Variants in ATP8B1 observed in about 807,000 individuals in gnomAD.
ATP8B1 encodes the protein ATPase phospholipid transporting 8B1.
ATP8B1 carries 80 observed loss-of-function variants against 149.9 expected under a neutral mutation model. That is an observed-to-expected ratio of 0.53 (90% CI 0.45 to 0.64). The LOEUF (loss-of-function observed/expected upper bound fraction) is 0.64. Among genes scored for constraint, ATP8B1 ranks in the 30% least tolerant of loss-of-function variants. ATP8B1 has a pLI of 0.00. For missense variants in ATP8B1, 1,247 were observed against 1,552.6 expected (o/e 0.80, Z 3.31); for synonymous variants, 536 against 562.8 (o/e 0.95, Z 0.67).
intron 1 of ATP8B1, among the ~76,000 whole-genome samples, chr18:57,797,708 T>C (rs907283455): frequency 0.012 from 1,616 of 138,212 alleles, 20 homozygotes; most frequent in African/African-American, 0.04. Context: ...TCTTTCTTTT[T>C]TTTTTTTTTT....
At chr18:57,778,331 T>C (rs2080327425) in intron 1 of ATP8B1, among the ~76,000 whole-genome samples, 1 of 151,158 alleles carries the variant, frequency 6.6e-6, no homozygotes, top group Non-Finnish European at 1.5e-5. Context: ...GTTCACGCCA[T>C]TCTCCTGCCT....
chr18:57,789,869 T>G (rs994629915), intron 1 of ATP8B1, among the ~76,000 whole-genome samples: 3 of 152,184 alleles, frequency 2.0e-5, no homozygotes, highest in Non-Finnish European at 2.9e-5. Context: ...AGCACTGGCT[T>G]CCGAAGCGTT....
chr18:57,668,572 G>C, intron 18 of ATP8B1, 32 bp from the exon 19 acceptor site: 1 of 417,348 alleles, frequency 2.4e-6, no homozygotes, highest in Non-Finnish European at 3.6e-6. Flanking sequence ...AAAAAAAAAG[G>C]AATTAGCAAA....
At chr18:57,659,624 C>G (rs982371684) in intron 22 of ATP8B1, 4 of 135,382 alleles carry the variant, frequency 3.0e-5, no homozygotes, top group African/African-American at 8.5e-5. Flanking sequence ...TCCGAGCAAG[C>G]AATACCATTC....
chr18:57,670,543 G>T (rs1266482787), intron 17 of ATP8B1, among the ~76,000 whole-genome samples: 1 of 151,434 alleles, frequency 6.6e-6, no homozygotes, highest in East Asian at 1.9e-4. Flanking sequence ...GTAGAGACGG[G>T]GTTTCACCAT....
At chr18:57,782,913 A>C (rs1181774964) in intron 1 of ATP8B1, among the ~76,000 whole-genome samples, 1 of 145,440 alleles carries the variant, frequency 6.9e-6, no homozygotes, top group Non-Finnish European at 1.5e-5. Flanking sequence ...CCTGGGTTCA[A>C]GCAATTCTCG....
intron 1 of ATP8B1, among the ~76,000 whole-genome samples, chr18:57,733,452 A>G (rs1302218037): frequency 6.6e-6 from 1 of 152,144 alleles, no homozygotes; most frequent in African/African-American, 2.4e-5. Flanking sequence ...CACACCTGTA[A>G]TCCCAGCACT....
Position 57,652,724 on chromosome 18 carries a change from C to G in ATP8B1, c.3021G>C (p.Val1007=). ...VLLMGLLDQD[V]SDKLSLRFPG... ...GGAATCGGAGGCTCAGTTTGTCACTCACATCCTTAAGGAGAAAACAAAATG... is the reference window on the plus strand; with the variant it reads ...GGAATCGGAGGCTCAGTTTGTCACTGACATCCTTAAGGAGAAAACAAAATG... Residue 1007 remains valine (V), a synonymous_variant, in exon 25 of 28, where the codon GTG becomes GTC. Transcript: ENST00000648908. 1 of 1,614,174 alleles carries G rather than the reference C, an allele frequency of 6.2e-7. No individual in the cohort carries two copies. The highest frequency in any genetic ancestry group is 2.2e-5 in the East Asian group (1 of 44,892).
chr18:57,727,057 G>A (rs1416954637), intron 2 of ATP8B1, among the ~76,000 whole-genome samples: 1 of 152,120 alleles, frequency 6.6e-6, no homozygotes, highest in Non-Finnish European at 1.5e-5. Flanking sequence ...TCCAGCCTGG[G>A]CAACAAGAGC....
At position 57,672,917 on chromosome 18, in the gene ATP8B1, TATATATATATATATAA is replaced by T. The variant is rs1381724491; in HGVS notation, c.1820-1353_1820-1338del. Among the ~76,000 whole-genome samples, 26 of 51,666 alleles carry T rather than the reference TATATATATATATATAA, an allele frequency of 5.0e-4. 2 individuals are homozygous for T. Among genetic ancestry groups the T allele is most frequent in the South Asian group, 2.3e-3 (3 of 1,288 alleles). 33.9% of individuals were successfully genotyped at this position (51,666 alleles called of 152,430 possible). On this transcript the variant is annotated intron_variant, in intron 16 of 27. Transcript: ENST00000648908. ...ATATATATATATATATATATATATA[TATATATATATATATAA>T]CATGTATATACACATATATACATAC...
chr18:57,793,750 T>C (rs1303306923), intron 1 of ATP8B1, among the ~76,000 whole-genome samples: 4 of 152,084 alleles, frequency 2.6e-5, no homozygotes, highest in African/African-American at 9.7e-5. Context: ...TCCTCCTGAG[T>C]GTTTGCTCAA....
At chr18:57,732,899 C>T (rs942779044) in intron 1 of ATP8B1, among the ~76,000 whole-genome samples, 2 of 152,088 alleles carry the variant, frequency 1.3e-5, no homozygotes, top group African/African-American at 2.4e-5. Flanking sequence ...GTTGACAAAC[C>T]ACTGCTCTAA....
rs1228283708 is a variant in ATP8B1 at position 57,648,296 on chromosome 18, A to G, written c.*192T>C. The G allele has an allele frequency of 2.7e-6, 2 of 740,252 alleles. No individual in the cohort carries two copies. Among genetic ancestry groups the G allele is most frequent in the East Asian group, 5.4e-5 (2 of 37,126 alleles). The allele number at this position is 740,252 out of a possible 1,614,324, so 45.9% of individuals were successfully genotyped here. On this transcript the variant is annotated 3_prime_UTR_variant, in exon 28 of 28. Coordinates refer to ENST00000648908, the MANE Select transcript of ATP8B1 (RefSeq NM_001374385.1). ...CCACCACGCCCGGCCGAATAATAGG[A>G]CTTTTAAAAGTCCTATTTCTTGGCT...
intron 19 of ATP8B1, chr18:57,668,142 C>T (rs529581588): frequency 2.2e-6 from 3 of 1,365,148 alleles, no homozygotes; most frequent in Non-Finnish European, 1.9e-6. Flanking sequence ...ATGGCCCTTT[C>T]AGGACGGGAA....
At chr18:57,729,549 C>T (rs201922490) in intron 2 of ATP8B1, among the ~76,000 whole-genome samples, 11 of 120,734 alleles carry the variant, frequency 9.1e-5, no homozygotes, top group East Asian at 2.8e-4. Flanking sequence ...TTCTTTCTTT[C>T]TTTTTTTTTT....
chr18:57,648,311 A>T lies in ATP8B1; in HGVS notation c.*177T>A. ...GAATAATAGGACTTTTAAAAGTCCT[A>T]TTTCTTGGCTCTGCTATTGTTTAAT... On this transcript the variant is annotated 3_prime_UTR_variant, in exon 28 of 28. Coordinates refer to ENST00000648908, the MANE Select transcript of ATP8B1 (RefSeq NM_001374385.1). 1 of 807,544 alleles carries T rather than the reference A, an allele frequency of 1.2e-6. No individual in the cohort carries two copies. The allele number at this position is 807,544 out of a possible 1,614,324, so 50.0% of individuals were successfully genotyped here. A position where few individuals can be genotyped will look rare whatever the true frequency, so the allele number is the denominator to read the frequency against.
intron 19 of ATP8B1, 87 bp from the exon 20 acceptor site, chr18:57,667,254 A>G: frequency 9.2e-7 from 1 of 1,088,568 alleles, no homozygotes; most frequent in Non-Finnish European, 1.4e-6. Flanking sequence ...TCTCACTCCC[A>G]CTGCCTAGGC....
At chr18:57,757,840 G>A (rs7231797) in intron 1 of ATP8B1, among the ~76,000 whole-genome samples, 24,083 of 152,042 alleles carry the variant, frequency 0.16, 2,092 homozygotes, top group African/African-American at 0.22. Flanking sequence ...AGACAAGATG[G>A]AGCATATCTC....
At chr18:57,659,676 G>A in intron 22 of ATP8B1, 1 of 148,976 alleles carries the variant, frequency 6.7e-6, no homozygotes, top group African/African-American at 2.5e-5. Context: ...AAAAAAAACA[G>A]TGTGGATGAA....
Sources: gnomAD v4.1 joint callset for allele counts (sites outside exome capture counted in the v4.1 genomes callset) on GRCh38, gnomAD v4.1.1 for gene constraint, MANE v1.5 for transcripts, NCBI Gene and HGNC (gene_info 2026-07-23, HGNC 2026-07-21) for gene names.